Variants in PHEX observed in about 807,000 individuals in gnomAD.
PHEX encodes the protein phosphate-regulating neutral endopeptidase PHEX.
A neutral mutation model predicts 68.0 loss-of-function variants in PHEX; 16 were observed. That is an observed-to-expected ratio of 0.24 (90% CI 0.16 to 0.36). The LOEUF (loss-of-function observed/expected upper bound fraction) is 0.36. Among genes scored for constraint, PHEX ranks in the 10% least tolerant of loss-of-function variants. PHEX has a pLI of 1.00. For missense variants in PHEX, 480 were observed against 575.5 expected (o/e 0.83, Z 1.70); for synonymous variants, 208 against 205.1 (o/e 1.01, Z -0.12).
In PHEX at chrX:22,162,606, C is replaced by G. The variant is rs1933172735; in HGVS notation, c.1405-5706C>G. The G allele has an allele frequency of 2.7e-5, 3 of 112,297 alleles. No individual in the cohort carries two copies. The South Asian group carries it at 1.1e-3, about 42-fold the overall frequency. 9.3% of individuals were successfully genotyped at this position (112,297 alleles called of 1,213,427 possible). ...AAAAGTGTTTTACATGCAATGTCATCCTGAACTCTTGCAGACAATGCTATG... is the reference window on the plus strand; with the variant it reads ...AAAAGTGTTTTACATGCAATGTCATGCTGAACTCTTGCAGACAATGCTATG... On this transcript the variant is annotated intron_variant, in intron 12 of 21. Coordinates refer to ENST00000379374, the MANE Select transcript of PHEX (RefSeq NM_000444.6).
At chrX:22,163,041 G>C (rs965020116) in intron 12 of PHEX, 2 of 111,564 alleles carry the variant, frequency 1.8e-5, no homozygotes, top group Non-Finnish European at 3.8e-5. Context: ...TTGCGGAGGG[G>C]GGCATGGGTT....
intron 9 of PHEX, among the ~76,000 whole-genome samples, chrX:22,100,469 A>G (rs1325234393): frequency 1.8e-5 from 2 of 112,043 alleles, no homozygotes; most frequent in Non-Finnish European, 3.8e-5. Context: ...TGAGTTACGG[A>G]GCACATTTTA....
At chrX:22,201,916 A>G (rs1934571638) in intron 15 of PHEX, among the ~76,000 whole-genome samples, 1 of 111,541 alleles carries the variant, frequency 9.0e-6, no homozygotes, top group South Asian at 3.8e-4. Flanking sequence ...GAGAAATCTC[A>G]TTAATTGACC....
intron 14 of PHEX, among the ~76,000 whole-genome samples, chrX:22,182,283 C>T (rs1035788369): frequency 5.4e-5 from 6 of 111,171 alleles, no homozygotes; most frequent in Admixed American, 2.9e-4. Context: ...TATCCTGAAA[C>T]GATGTTGAAT....
Position 22,033,030 on chromosome X carries a change from G to C in PHEX, c.25G>C (p.Val9Leu). The C allele has an allele frequency of 1.7e-6, 2 of 1,208,103 alleles. No homozygotes were observed. The highest frequency in any genetic ancestry group is 2.2e-6 in the Non-Finnish European group (2 of 892,755). Residue 9 changes from valine (V) to leucine (L), a missense_variant, in exon 1 of 22, where the codon GTG (valine) becomes CTG (leucine). Val to Leu is a conservative substitution (Grantham distance 32). Coordinates refer to ENST00000379374, the MANE Select transcript of PHEX (RefSeq NM_000444.6). MEAETGSS[V>L]ETGKKANRGT... is the part of the protein sequence containing the mutation. ...GATGGAAGCAGAAACAGGGAGCAGC[G>C]TGGAGACTGGAAAGAAGGCCAACAG...
chrX:22,166,932 T>C (rs1933345026), intron 12 of PHEX, among the ~76,000 whole-genome samples: 1 of 112,245 alleles, frequency 8.9e-6, no homozygotes, highest in Non-Finnish European at 1.9e-5. Flanking sequence ...TCATCCACGT[T>C]GTCACAAATG....
At chrX:22,170,619 T>TGGTAATA (rs1426721366) in intron 13 of PHEX, among the ~76,000 whole-genome samples, 1 of 112,171 alleles carries the variant, frequency 8.9e-6, no homozygotes, top group Non-Finnish European at 1.9e-5. Flanking sequence ...AGTGAACTAT[T>TGGTAATA]TTGGTTTGAA....
chrX:22,086,674 A>C (rs1929643069), intron 5 of PHEX, among the ~76,000 whole-genome samples: 1 of 110,939 alleles, frequency 9.0e-6, no homozygotes. Flanking sequence ...TCCTGTGTAT[A>C]TGTTGGGGTG....
Position 22,099,158 on chromosome X carries a change from A to C in PHEX, c.1079+7A>C. ...TAGGGTCTGAGAGAAAGAAGTAAGA[A>C]CTTTCACATGAATTTTACTGTGACT... On this transcript the variant is annotated splice_region_variant and intron_variant, in intron 9 of 21. Coordinates refer to ENST00000379374, the MANE Select transcript of PHEX (RefSeq NM_000444.6). The C allele has an allele frequency of 8.3e-7, 1 of 1,198,168 alleles. No individual in the cohort carries two copies. The highest frequency in any genetic ancestry group is 1.1e-6 in the Non-Finnish European group (1 of 883,134).
intron 3 of PHEX, among the ~76,000 whole-genome samples, chrX:22,074,158 A>G (rs1929039781): frequency 1.8e-5 from 2 of 110,877 alleles, no homozygotes; most frequent in Non-Finnish European, 3.8e-5. Flanking sequence ...CTACTCATTA[A>G]TAACTCTCCA....
chrX:22,224,961 G>GCTGTATGATTTATTATCATACAGCA (rs1569433249), intron 18 of PHEX, among the ~76,000 whole-genome samples: 3 of 112,753 alleles, frequency 2.7e-5, no homozygotes, highest in East Asian at 2.8e-4. Context: ...ATCATACAGC[G>GCTGTATGATTTATTATCATACAGCA]CTGTATGATT....
rs763757285 is a variant in PHEX, at chrX:22,033,110, G to C, written c.105G>C (p.Thr35=). The C allele has an allele frequency of 1.7e-6, 2 of 1,196,004 alleles. No individual in the cohort carries two copies. The highest frequency in any genetic ancestry group is 2.3e-6 in the Non-Finnish European group (2 of 881,286). ...VFVGGTLVLG[T]ILFLVSQGLL... ...TCGGTGGCACCCTAGTTCTGGGCAC[G>C]ATCCTCTTTCTAGGTAAGTGGAGTG... is the stretch of plus-strand genomic sequence containing the variant. The change falls in exon 1 of 22, where the codon ACG becomes ACC. Residue 35 remains threonine (T), a synonymous_variant. Coordinates refer to ENST00000379374, the MANE Select transcript of PHEX (RefSeq NM_000444.6).
chrX:22,066,038 A>C (rs1928584559), intron 3 of PHEX, among the ~76,000 whole-genome samples: 1 of 112,078 alleles, frequency 8.9e-6, no homozygotes, highest in Admixed American at 9.5e-5. Context: ...GTGTGATTGG[A>C]GCTCTGAGTT....
chrX:22,237,400 T>C (rs1798409547), intron 20 of PHEX, among the ~76,000 whole-genome samples: 1 of 111,687 alleles, frequency 9.0e-6, no homozygotes, highest in African/African-American at 3.3e-5. Flanking sequence ...TTTCCTGCTT[T>C]CTATGTCCCT....
At chrX:22,122,984 A>AT (rs34894623) in intron 11 of PHEX, among the ~76,000 whole-genome samples, 6,143 of 72,207 alleles carry the variant, frequency 0.085, 810 homozygotes, top group African/African-American at 0.33. Context: ...TAGGGTCTGC[A>AT]TTTTTTTTTT....
At chrX:22,227,101 T>C (rs139837742) in intron 19 of PHEX, among the ~76,000 whole-genome samples, 4,867 of 112,505 alleles carry the variant, frequency 0.043, 112 homozygotes, top group Non-Finnish European at 0.057. Flanking sequence ...ATATACTTTA[T>C]TTTATAAAAT....
At chrX:22,098,795 C>CAAA (rs746223770) in intron 8 of PHEX, among the ~76,000 whole-genome samples, 124 of 11,367 alleles carry the variant, frequency 0.011, 9 homozygotes, top group Non-Finnish European at 0.016. Flanking sequence ...GAGAATGTCT[C>CAAA]AAAAAAAAAA....
In PHEX at chrX:22,234,612, TC is replaced by T. The variant is rs201565724; in HGVS notation, c.2070+7009del. 1.4e-4 allele frequency among the ~76,000 whole-genome samples: 15 copies of T among 108,028 alleles called. No individual in the cohort carries two copies. The South Asian group carries it at 2.0e-3, about 14-fold the overall frequency. The allele number at this position is 108,028 out of a possible 115,157, so 93.8% of individuals were successfully genotyped here. Reference sequence around the variant, plus strand: ...AGCCTCAGCATTGGGGAACGCCCCTTCCCCCCCCAAGCTCAAGTGTCCCAGG... The same window carrying T: ...AGCCTCAGCATTGGGGAACGCCCCTTCCCCCCCAAGCTCAAGTGTCCCAGG... On this transcript the variant is annotated intron_variant, in intron 20 of 21. Coordinates refer to ENST00000379374, the MANE Select transcript of PHEX (RefSeq NM_000444.6).
rs1177677819 is a variant in PHEX at position 22,077,566 on chromosome X, C to A, written c.527C>A (p.Pro176His). The A allele has an allele frequency of 4.1e-6, 5 of 1,211,481 alleles. No homozygotes were observed. The highest frequency in any genetic ancestry group is 5.6e-6 in the Non-Finnish European group (5 of 895,117). ...RWPVLESNIG[P>H]EGVWSERKFS... The stretch of plus-strand genomic sequence containing the variant: ...CCCGTGCTTGAATCTAATATTGGCC[C>A]TGAAGGGGTTTGGTCAGAGAGAAAG... The change falls in exon 5 of 22, where the codon CCT (proline) becomes CAT (histidine). Residue 176 changes from proline (P) to histidine (H), a missense_variant. Transcript: ENST00000379374.
Sources: allele counts gnomAD v4.1 joint callset (sites outside exome capture counted in the v4.1 genomes callset), GRCh38; gene constraint gnomAD v4.1.1; transcripts MANE v1.5; gene names NCBI Gene and HGNC (gene_info 2026-07-23, HGNC 2026-07-21).